SP2: variants seen among roughly 807,000 people sequenced by gnomAD.
SP2 encodes Sp2 transcription factor, also known as transcription factor Sp2.
A neutral mutation model predicts 50.1 loss-of-function variants in SP2; 9 were observed. The observed-to-expected ratio is 0.18, with a 90% CI of 0.11 to 0.31. The LOEUF (loss-of-function observed/expected upper bound fraction) is 0.31, where lower values mean the gene tolerates loss of function less well. Ranked by LOEUF, SP2 falls within the 10% of genes least tolerant of loss-of-function variation. SP2 has a pLI of 1.00. For synonymous variants in SP2, 313 were observed against 326.6 expected (o/e 0.96, Z 0.45); for missense variants, 581 against 806.5 (o/e 0.72, Z 3.39).
At chr17:47,908,869 T>TAG (rs2034868404) in intron 1 of SP2, among the ~76,000 whole-genome samples, 1 of 152,162 alleles carries the variant, frequency 6.6e-6, no homozygotes, top group Non-Finnish European at 1.5e-5. Flanking sequence ...ATAAAAATCT[T>TAG]AAAGATCATT....
intron 4 of SP2, among the ~76,000 whole-genome samples, chr17:47,923,557 A>AGCCTT (rs2035540511): frequency 6.6e-6 from 1 of 152,234 alleles, no homozygotes; most frequent in Non-Finnish European, 1.5e-5. Flanking sequence ...TGAAGGAGAA[A>AGCCTT]GCCTTGCGTT....
intron 1 of SP2, among the ~76,000 whole-genome samples, chr17:47,906,512 CAG>C (rs765460922): frequency 2.0e-5 from 3 of 152,152 alleles, no homozygotes; most frequent in Non-Finnish European, 4.4e-5. Flanking sequence ...AGCCTCATCT[CAG>C]GGGTCCAGAA....
intron 5 of SP2, 112 bp from the exon 6 acceptor site, chr17:47,925,236 G>A (rs1567704036): frequency 6.4e-6 from 9 of 1,412,522 alleles, no homozygotes; most frequent in African/African-American, 1.4e-5. Flanking sequence ...CTGCCTCCTT[G>A]TGCTCTCTGA....
At chr17:47,919,034 C>T (rs1017048859) in intron 3 of SP2, among the ~76,000 whole-genome samples, 1 of 152,156 alleles carries the variant, frequency 6.6e-6, no homozygotes, top group African/African-American at 2.4e-5. Context: ...CGCATACACA[C>T]ACACACACAA....
downstream of SP2, among the ~76,000 whole-genome samples, chr17:47,931,106 C>A (rs866116998): frequency 2.0e-4 from 31 of 152,200 alleles, 1 homozygote; most frequent in African/African-American, 7.2e-5. Flanking sequence ...CTTTGGGAGG[C>A]CGAGGCGGGT....
At chr17:47,920,575 C>T (rs574737563) in intron 3 of SP2, among the ~76,000 whole-genome samples, 5 of 152,204 alleles carry the variant, frequency 3.3e-5, no homozygotes, top group East Asian at 1.9e-4. Context: ...CATGAGCCAC[C>T]GCACCCGGCC....
chr17:47,918,341 C>G (rs1157208757), intron 3 of SP2: 1 of 152,154 alleles, frequency 6.6e-6, no homozygotes, highest in Non-Finnish European at 1.5e-5. Context: ...ATCACAATAT[C>G]TGTGAATTCC....
At chr17:47,902,804 G>A (rs2034594384) in intron 1 of SP2, among the ~76,000 whole-genome samples, 1 of 152,204 alleles carries the variant, frequency 6.6e-6, no homozygotes, top group Non-Finnish European at 1.5e-5. Flanking sequence ...CACGCAGGCT[G>A]GAGTGCAGTG....
intron 1 of SP2, chr17:47,897,758 A>G (rs1329120012): frequency 2.2e-5 from 12 of 555,502 alleles, no homozygotes; most frequent in Non-Finnish European, 2.7e-5. Context: ...CATTGTCTGC[A>G]ATAATGAATA....
In SP2 at chr17:47,896,302, C is replaced by T. The variant is rs937713725; in HGVS notation, c.7+9C>T. On this transcript the variant is annotated intron_variant, in intron 1 of 6. Coordinates refer to ENST00000376741, the MANE Select transcript of SP2 (RefSeq NM_003110.6). The stretch of plus-strand genomic sequence containing the variant: ...AGATGTCGTAATGAGCGGTGGGTCC[C>T]GGCCGCTGCCGGCGGGGTCTTCCCG... 5.7e-6 allele frequency: 7 copies of T among 1,238,032 alleles called. No homozygotes were observed. Among genetic ancestry groups the T allele is most frequent in the Non-Finnish European group, 7.1e-6 (7 of 988,086 alleles). The allele number at this position is 1,238,032 out of a possible 1,614,324, so 76.7% of individuals were successfully genotyped here. A position where few individuals can be genotyped will look rare whatever the true frequency, so the allele number is the denominator to read the frequency against.
intron 1 of SP2, among the ~76,000 whole-genome samples, chr17:47,901,602 A>C (rs1325994606): frequency 1.3e-5 from 2 of 152,194 alleles, no homozygotes; most frequent in East Asian, 3.8e-4. Flanking sequence ...GAAATGCAGT[A>C]GTACCTGGTG....
chr17:47,920,533 G>A (rs1269510445), intron 3 of SP2, among the ~76,000 whole-genome samples: 3 of 152,052 alleles, frequency 2.0e-5, no homozygotes, highest in African/African-American at 2.4e-5. Context: ...TGATCCGCCC[G>A]CCTCAGCCTC....
intron 1 of SP2, among the ~76,000 whole-genome samples, chr17:47,903,797 C>T (rs1030723443): frequency 3.3e-5 from 5 of 150,020 alleles, no homozygotes; most frequent in African/African-American, 1.2e-4. Flanking sequence ...CTGTCTGTCT[C>T]TACTAAAATA....
At chr17:47,920,984 T>C (rs1169657576) in intron 3 of SP2, among the ~76,000 whole-genome samples, 2 of 152,198 alleles carry the variant, frequency 1.3e-5, no homozygotes, top group Non-Finnish European at 2.9e-5. Flanking sequence ...ACTACTGGTC[T>C]ATTTGTAATG....
At chr17:47,925,566 T>A in intron 6 of SP2, 25 bp downstream of exon 6, 1 of 1,595,044 alleles carries the variant, frequency 6.3e-7, no homozygotes, top group South Asian at 1.1e-5. Flanking sequence ...TTCGGGACCC[T>A]CCACCCACAG....
chr17:47,928,715 G>A lies in SP2; in HGVS notation c.*891G>A, dbSNP rs1029179450. On this transcript the variant is annotated 3_prime_UTR_variant, in exon 7 of 7. Coordinates refer to ENST00000376741, the MANE Select transcript of SP2 (RefSeq NM_003110.6). ...CCGGCCCAAGCTCTACTTGTGTACAGTGTATATTGTATAATAGACAATTGT... is the reference window on the plus strand; with the variant it reads ...CCGGCCCAAGCTCTACTTGTGTACAATGTATATTGTATAATAGACAATTGT... 3 of 152,692 alleles carry A rather than the reference G, an allele frequency of 2.0e-5. No individual in the cohort carries two copies. Among genetic ancestry groups the A allele is most frequent in the Non-Finnish European group, 4.4e-5 (3 of 68,056 alleles). 9.5% of individuals were successfully genotyped at this position (152,692 alleles called of 1,614,324 possible).
intron 3 of SP2, among the ~76,000 whole-genome samples, chr17:47,922,728 A>G (rs1021207607): frequency 1.3e-5 from 2 of 152,192 alleles, no homozygotes; most frequent in Non-Finnish European, 2.9e-5. Context: ...TACTTTTTCC[A>G]TGCTAAGTAA....
rs752125227 is a variant in SP2 at position 47,896,268 on chromosome 17, C to A, written c.-19C>A. On this transcript the variant is annotated 5_prime_UTR_variant, in exon 1 of 7. Coordinates refer to ENST00000376741, the MANE Select transcript of SP2 (RefSeq NM_003110.6). ...CGGTGGCGGCGGAGGCGGCGGAGGC[C>A]AGGGAGGAAGATGTCGTAATGAGCG... 1 of 1,239,950 alleles carries A rather than the reference C, an allele frequency of 8.1e-7. No homozygotes were observed. Among genetic ancestry groups the A allele is most frequent in the Non-Finnish European group, 1.0e-6 (1 of 988,756 alleles). 76.8% of individuals were successfully genotyped at this position (1,239,950 alleles called of 1,614,324 possible). A position where few individuals can be genotyped will look rare whatever the true frequency, so the allele number is the denominator to read the frequency against.
Position 47,915,354 on chromosome 17 carries a change from G to T in SP2, c.50G>T (p.Ser17Ile), listed in dbSNP as rs1287518260. The change falls in exon 2 of 7, where the codon AGT (serine) becomes ATT (isoleucine). Residue 17 changes from serine to isoleucine, a missense_variant. Ser to Ile is a moderately radical substitution (Grantham distance 142). Coordinates refer to ENST00000376741, the MANE Select transcript of SP2 (RefSeq NM_003110.6). ...SMAATAAVSP[S>I]DYLQPAASTT... ...GCTGCCACTGCTGCTGTGAGTCCCA[G>T]TGACTACCTGCAGCCTGCCGCCTCC... The T allele has an allele frequency of 6.2e-7, 1 of 1,613,536 alleles. No homozygotes were observed. Among genetic ancestry groups the T allele is most frequent in the South Asian group, 1.1e-5 (1 of 90,966 alleles).
Sources: allele counts gnomAD v4.1 joint callset (sites outside exome capture counted in the v4.1 genomes callset), GRCh38; gene constraint gnomAD v4.1.1; transcripts MANE v1.5; gene names NCBI Gene and HGNC (gene_info 2026-07-23, HGNC 2026-07-21).